Variants in SGCZ observed in about 807,000 individuals in gnomAD.
SGCZ encodes the protein zeta-sarcoglycan.
SGCZ carries 40 observed loss-of-function variants against 41.3 expected under a neutral mutation model. The ratio of observed to expected loss-of-function variants is 0.97; its 90% CI spans 0.75 to 1.26. The LOEUF (loss-of-function observed/expected upper bound fraction) is 1.26, where lower values mean the gene tolerates loss of function less well. Ranked by LOEUF, SGCZ falls within the 50% of genes most tolerant of loss-of-function variation. SGCZ has a pLI of 0.00. For synonymous variants in SGCZ, 206 were observed against 137.5 expected, an observed-to-expected ratio of 1.50 and a Z score of -3.49; for missense variants, 552 against 369.8, an observed-to-expected ratio of 1.49 and a Z score of -4.04.
chr8:15,225,770 C>T (rs576471421), intron 1 of SGCZ, among the ~76,000 whole-genome samples: 1 of 152,132 alleles, frequency 6.6e-6, no homozygotes, highest in African/African-American at 2.4e-5. Flanking sequence ...GTCAGGAAAC[C>T]AGGTGGTTCC....
intron 5 of SGCZ, among the ~76,000 whole-genome samples, chr8:14,131,209 G>T (rs1202103386): frequency 1.3e-5 from 2 of 152,116 alleles, no homozygotes; most frequent in African/African-American, 4.8e-5. Context: ...CCGCTTCAGA[G>T]GTATCTTGAT....
chr8:15,097,820 GTGTATATATATA>G (rs1806416216), intron 1 of SGCZ, among the ~76,000 whole-genome samples: 5 of 61,958 alleles, frequency 8.1e-5, no homozygotes, highest in Non-Finnish European at 1.8e-4. Flanking sequence ...ATATACGTGT[GTGTATATATATA>G]TACGTGTGTG....
intron 1 of SGCZ, among the ~76,000 whole-genome samples, chr8:14,934,441 T>G (rs1014475536): frequency 1.3e-5 from 2 of 151,814 alleles, no homozygotes; most frequent in African/African-American, 2.4e-5. Flanking sequence ...CTTCTAGTAA[T>G]GAAAAAGTAG....
At chr8:14,772,969 C>T (rs1800295741) in intron 1 of SGCZ, among the ~76,000 whole-genome samples, 2 of 152,048 alleles carry the variant, frequency 1.3e-5, no homozygotes, top group South Asian at 2.1e-4. Flanking sequence ...GGTCAAATGG[C>T]ATCTCTAGTT....
intron 3 of SGCZ, among the ~76,000 whole-genome samples, chr8:14,284,529 C>T (rs140563083): frequency 3.3e-5 from 5 of 152,154 alleles, no homozygotes; most frequent in African/African-American, 1.2e-4. Flanking sequence ...CTTTTTATTC[C>T]GTACGTAGAT....
chr8:14,978,353 C>T (rs964452771), intron 1 of SGCZ, among the ~76,000 whole-genome samples: 2 of 128,250 alleles, frequency 1.6e-5, no homozygotes, highest in African/African-American at 7.5e-5. Context: ...TACCTGTATT[C>T]CCAGCTACTT....
At chr8:14,146,494 A>G (rs576081616) in intron 5 of SGCZ, among the ~76,000 whole-genome samples, 1 of 152,328 alleles carries the variant, frequency 6.6e-6, no homozygotes, top group African/African-American at 2.4e-5. Context: ...GAAATCATCT[A>G]AAGGTATACA....
Position 14,375,873 on chromosome 8 carries a change from T to C in SGCZ, c.235-51669A>G, listed in dbSNP as rs377671720. Among the ~76,000 whole-genome samples, 10 of 152,056 alleles carry C rather than the reference T, an allele frequency of 6.6e-5. No individual in the cohort carries two copies. The South Asian group carries it at 1.0e-3, about 16-fold the overall frequency. ...AAAGGAAATAAGATAAAAGCAGAAA[T>C]TATGAGATAGAAAACAGAAAATTGA... On this transcript the variant is annotated intron_variant, in intron 2 of 7. Transcript: ENST00000382080.
intron 1 of SGCZ, among the ~76,000 whole-genome samples, chr8:14,633,810 A>G (rs967480112): frequency 6.6e-6 from 1 of 151,974 alleles, no homozygotes; most frequent in Non-Finnish European, 1.5e-5. Context: ...TTAAATCTGA[A>G]GGATGAATTA....
At chr8:15,056,667 T>C (rs17608929) in intron 1 of SGCZ, among the ~76,000 whole-genome samples, 13,283 of 152,184 alleles carry the variant, frequency 0.087, 790 homozygotes, top group East Asian at 0.29. Context: ...TTTTCTGCCA[T>C]ATTCGCAGCT....
intron 1 of SGCZ, among the ~76,000 whole-genome samples, chr8:15,030,003 G>A (rs1283350284): frequency 6.6e-6 from 1 of 152,158 alleles, no homozygotes; most frequent in Non-Finnish European, 1.5e-5. Flanking sequence ...TCTGTGCCAA[G>A]CACTATTCTC....
At chr8:14,211,208 T>C (rs761455557) in intron 4 of SGCZ, among the ~76,000 whole-genome samples, 15 of 152,106 alleles carry the variant, frequency 9.9e-5, no homozygotes, top group Non-Finnish European at 1.6e-4. Context: ...AGTAAAGGTG[T>C]TTTGCTTGCA....
chr8:14,237,578 C>T lies in SGCZ; in HGVS notation c.424+14G>A. On this transcript the variant is annotated intron_variant, in intron 4 of 7. Transcript: ENST00000382080. ...CAAGCACAGTAGGAGCAATCTTTAC[C>T]CCAAAACACTCACCTATGGTCAGCT... The T allele has an allele frequency of 1.2e-6, 2 of 1,611,506 alleles. No homozygotes were observed. Among genetic ancestry groups the T allele is most frequent in the Non-Finnish European group, 8.5e-7 (1 of 1,178,564 alleles).
At chr8:15,191,351 G>C (rs1180255465) in intron 1 of SGCZ, among the ~76,000 whole-genome samples, 1 of 151,932 alleles carries the variant, frequency 6.6e-6, no homozygotes, top group East Asian at 1.9e-4. Flanking sequence ...ACCTAGACCA[G>C]GCAGGTAAAC....
chr8:15,217,438 A>T (rs535799902), intron 1 of SGCZ, among the ~76,000 whole-genome samples: 43 of 151,372 alleles, frequency 2.8e-4, no homozygotes, highest in Non-Finnish European at 5.2e-4. Flanking sequence ...AAAAGAATTG[A>T]ACTAACAAAA....
At chr8:14,263,831 C>T (rs1370303479) in intron 3 of SGCZ, among the ~76,000 whole-genome samples, 3 of 152,158 alleles carry the variant, frequency 2.0e-5, no homozygotes, top group Non-Finnish European at 4.4e-5. Flanking sequence ...TCTCCCAACT[C>T]CAAGAAGCAC....
At chr8:14,988,116 A>G (rs1419159548) in intron 1 of SGCZ, among the ~76,000 whole-genome samples, 1 of 152,038 alleles carries the variant, frequency 6.6e-6, no homozygotes, top group Non-Finnish European at 1.5e-5. Context: ...GATTTAAAAT[A>G]TATTGTTTTG....
At chr8:14,213,171 C>T (rs186073862) in intron 4 of SGCZ, among the ~76,000 whole-genome samples, 80 of 152,022 alleles carry the variant, frequency 5.3e-4, no homozygotes, top group African/African-American at 1.9e-3. Flanking sequence ...CAAAATCTTT[C>T]CAACTTGTGG....
intron 2 of SGCZ, among the ~76,000 whole-genome samples, chr8:14,412,642 A>G (rs186645198): frequency 5.4e-4 from 82 of 152,074 alleles, no homozygotes; most frequent in East Asian, 4.4e-3. Flanking sequence ...AATCTGCCTC[A>G]TTTTCTTGTG....
Sources: allele counts gnomAD v4.1 joint callset (sites outside exome capture counted in the v4.1 genomes callset), GRCh38; gene constraint gnomAD v4.1.1; transcripts MANE v1.5; gene names NCBI Gene and HGNC (gene_info 2026-07-23, HGNC 2026-07-21).